SRGAP3: variants seen among roughly 807,000 people sequenced by gnomAD.
The protein encoded by SRGAP3 is SLIT-ROBO Rho GTPase-activating protein 3.
Under a neutral mutation model 121.1 loss-of-function variants are expected in SRGAP3, and 39 were observed. That is an observed-to-expected ratio of 0.32 (90% CI 0.25 to 0.42). The LOEUF (loss-of-function observed/expected upper bound fraction) is 0.42. Ranked by LOEUF, SRGAP3 falls within the 10% of genes least tolerant of loss-of-function variation. The pLI, the probability that SRGAP3 is intolerant of heterozygous loss-of-function variation, is 1.00. For synonymous variants in SRGAP3, 601 were observed against 570.0 expected (o/e 1.05, Z -0.77); for missense variants, 1,213 against 1,470.6 (o/e 0.82, Z 2.86).
At chr3:9,235,144 C>T (rs77202489) in intron 1 of SRGAP3, among the ~76,000 whole-genome samples, 1,612 of 152,226 alleles carry the variant, frequency 0.011, 11 homozygotes, top group African/African-American at 0.024. Flanking sequence ...TTAAAACGGA[C>T]GTAGGAGGTC....
chr3:9,084,661 C>T (rs1352964699), intron 3 of SRGAP3, among the ~76,000 whole-genome samples: 1 of 152,136 alleles, frequency 6.6e-6, no homozygotes, highest in Admixed American at 6.5e-5. Context: ...TCCTATTTTC[C>T]ACTACCAGTT....
rs537502356 is a variant in SRGAP3, at chr3:9,103,754, T to C, written c.423+926A>G. ...CATTTTACAGACAAGGAAACTGAAA[T>C]TCACAAAAGTGAGTTTAGTTCTACA... On this transcript the variant is annotated intron_variant, in intron 3 of 21. Transcript: ENST00000383836. 2.0e-5 allele frequency among the ~76,000 whole-genome samples: 3 copies of C among 152,324 alleles called. No homozygotes were observed. The South Asian group carries it at 6.2e-4, about 32-fold the overall frequency.
intron 1 of SRGAP3, among the ~76,000 whole-genome samples, chr3:9,221,520 G>C (rs1470773650): frequency 6.6e-6 from 1 of 152,154 alleles, no homozygotes; most frequent in African/African-American, 2.4e-5. Context: ...CTGGGCAACA[G>C]AGCAAGGCCC....
intron 3 of SRGAP3, among the ~76,000 whole-genome samples, chr3:9,312,895 G>T (rs1955274026): frequency 6.6e-6 from 1 of 152,322 alleles, no homozygotes; most frequent in South Asian, 2.1e-4. Flanking sequence ...AGGAGACTGA[G>T]GCAGGGGGAT....
intron 4 of SRGAP3, among the ~76,000 whole-genome samples, chr3:9,073,363 T>C (rs1327642890): frequency 6.6e-6 from 1 of 152,256 alleles, no homozygotes; most frequent in Non-Finnish European, 1.5e-5. Flanking sequence ...CAGGCTGGTC[T>C]TGAACTCCTA....
intron 12 of SRGAP3, among the ~76,000 whole-genome samples, chr3:9,029,400 G>A (rs776129862): frequency 6.6e-6 from 1 of 152,140 alleles, no homozygotes; most frequent in Non-Finnish European, 1.5e-5. Flanking sequence ...TGCCTGAGAG[G>A]AGGAGGAAAA....
intron 1 of SRGAP3, among the ~76,000 whole-genome samples, chr3:9,182,302 G>T (rs888075545): frequency 6.6e-6 from 1 of 151,950 alleles, no homozygotes; most frequent in African/African-American, 2.4e-5. Context: ...GAGGTCATCA[G>T]GGCATGTCCT....
intron 3 of SRGAP3, among the ~76,000 whole-genome samples, chr3:9,258,178 T>G (rs745675235): frequency 6.6e-6 from 1 of 152,200 alleles, no homozygotes; most frequent in Non-Finnish European, 1.5e-5. Flanking sequence ...TGGGATCTCA[T>G]GTAAGGGCAC....
chr3:9,020,675 G>A (rs571095618), intron 14 of SRGAP3, among the ~76,000 whole-genome samples: 21 of 152,250 alleles, frequency 1.4e-4, no homozygotes, highest in African/African-American at 5.1e-4. Context: ...AAATTGAACT[G>A]CCCAAACATT....
chr3:9,196,724 A>G (rs1006637553), intron 1 of SRGAP3, among the ~76,000 whole-genome samples: 3 of 152,226 alleles, frequency 2.0e-5, no homozygotes, highest in Non-Finnish European at 4.4e-5. Flanking sequence ...AGAAAATAAT[A>G]AAGGTGACAT....
In SRGAP3 at chr3:8,985,256, T is replaced by C. The variant is rs940701365; in HGVS notation, c.*263A>G. On this transcript the variant is annotated 3_prime_UTR_variant, in exon 22 of 22. Coordinates refer to ENST00000383836, the MANE Select transcript of SRGAP3 (RefSeq NM_014850.4). This position sits in a 1 kb window ranked among gnomAD's most constrained non-coding sequence, Gnocchi z 5.1. ...GAAGCCATGTGGTATTTTGCCTCCA[T>C]GTTAGGGAATGCTGTGGTTGGGGCT... 2 of 612,992 alleles carry C rather than the reference T, an allele frequency of 3.3e-6. No homozygotes were observed. Among genetic ancestry groups the C allele is most frequent in the African/African-American group, 3.8e-5 (2 of 53,216 alleles). The allele number at this position is 612,992 out of a possible 1,614,324, so 38.0% of individuals were successfully genotyped here.
chr3:9,260,152 C>G (rs1042092846), intron 3 of SRGAP3, among the ~76,000 whole-genome samples: 2 of 152,148 alleles, frequency 1.3e-5, no homozygotes, highest in Non-Finnish European at 2.9e-5. Flanking sequence ...TCTTCGCAAC[C>G]CACCGACCAG....
intron 1 of SRGAP3, among the ~76,000 whole-genome samples, chr3:9,358,681 A>C (rs985221332): frequency 1.3e-5 from 2 of 152,224 alleles, no homozygotes; most frequent in African/African-American, 4.8e-5. Flanking sequence ...TTGGGTCTCC[A>C]GAACTTCTGA....
intron 5 of SRGAP3, among the ~76,000 whole-genome samples, chr3:9,063,124 CTTTTTTTT>C (rs766958753): frequency 5.0e-5 from 4 of 79,982 alleles, no homozygotes; most frequent in Non-Finnish European, 9.6e-5. Flanking sequence ...TAGAGACAAT[CTTTTTTTT>C]TTTTTTTTTT....
At chr3:9,076,770 C>T (rs1946992808) in intron 4 of SRGAP3, among the ~76,000 whole-genome samples, 1 of 151,804 alleles carries the variant, frequency 6.6e-6, no homozygotes, top group Non-Finnish European at 1.5e-5. Flanking sequence ...AATACACACC[C>T]ATCTCCTCCT....
At chr3:9,021,228 C>T (rs993575323) in intron 14 of SRGAP3, among the ~76,000 whole-genome samples, 2 of 152,206 alleles carry the variant, frequency 1.3e-5, no homozygotes, top group Non-Finnish European at 2.9e-5. Context: ...CATCCAAACC[C>T]TGCGTAGATA....
intron 12 of SRGAP3, chr3:9,028,006 C>G (rs1329592492): frequency 2.2e-5 from 32 of 1,464,690 alleles, no homozygotes; most frequent in Non-Finnish European, 2.9e-5. Context: ...ATGGACCCAT[C>G]AGCAACAGGC....
chr3:9,321,981 T>C (rs978095078), intron 3 of SRGAP3, among the ~76,000 whole-genome samples: 1 of 150,760 alleles, frequency 6.6e-6, no homozygotes, highest in East Asian at 1.9e-4. Flanking sequence ...TAAAAAATAA[T>C]AATAATAATA....
intron 3 of SRGAP3, among the ~76,000 whole-genome samples, chr3:9,279,080 G>A (rs749312376): frequency 2.6e-5 from 4 of 151,852 alleles, no homozygotes; most frequent in Non-Finnish European, 2.9e-5. Context: ...CCAAGACTGC[G>A]CCATTGCACT....
Sources: gnomAD v4.1 joint callset for allele counts (sites outside exome capture counted in the v4.1 genomes callset) on GRCh38, gnomAD v4.1.1 for gene constraint, Gnocchi (gnomAD v3.1) non-coding constraint, MANE v1.5 for transcripts, NCBI Gene and HGNC (gene_info 2026-07-23, HGNC 2026-07-21) for gene names.